The following CACNA1C variants were observed in gnomAD, a reference collection of about 807,000 sequenced individuals.
CACNA1C encodes voltage-dependent L-type calcium channel subunit alpha-1C.
CACNA1C carries 30 observed loss-of-function variants against 229.0 expected under a neutral mutation model. The ratio of observed to expected loss-of-function variants is 0.13; its 90% confidence interval spans 0.10 to 0.18. The LOEUF (loss-of-function observed/expected upper bound fraction) is 0.18, where lower values mean the gene tolerates loss of function less well. Ranked by LOEUF, CACNA1C falls within the 10% of genes least tolerant of loss-of-function variation. The pLI is 1.00. For synonymous variants in CACNA1C, 1,114 were observed against 1,132.5 expected, an observed-to-expected ratio of 0.98 and a Z score of 0.33; for missense variants, 1,658 against 2,845.0, an observed-to-expected ratio of 0.58 and a Z score of 9.49.
chr12:2,276,065 A>G (rs567188002), intron 3 of CACNA1C, among the ~76,000 whole-genome samples: 10 of 152,028 alleles, frequency 6.6e-5, no homozygotes, highest in African/African-American at 2.2e-4. Context: ...TTTAATTTGT[A>G]TAATTTTTTA....
chr12:2,163,834 C>G (rs2096058487), intron 3 of CACNA1C, among the ~76,000 whole-genome samples: 1 of 152,178 alleles, frequency 6.6e-6, no homozygotes, highest in South Asian at 2.1e-4. Flanking sequence ...CTATTTGTGG[C>G]TGATCTAAAA....
intron 3 of CACNA1C, among the ~76,000 whole-genome samples, chr12:2,206,858 A>G (rs889518475): frequency 1.6e-4 from 25 of 152,192 alleles, no homozygotes; most frequent in African/African-American, 3.6e-4. Flanking sequence ...GGGAGAATAC[A>G]TTTTGGATTT....
chr12:2,205,823 G>T (rs1392242765), intron 3 of CACNA1C, among the ~76,000 whole-genome samples: 2 of 152,172 alleles, frequency 1.3e-5, no homozygotes, highest in Non-Finnish European at 2.9e-5. Context: ...AGCAGATTTG[G>T]TGTCTGGTGA....
rs760446638 is a variant in CACNA1C, at chr12:2,215,070, C to T, written c.477+94640C>T. Among the ~76,000 whole-genome samples, 2 of 152,136 alleles carry T rather than the reference C, an allele frequency of 1.3e-5. No homozygotes were observed. Among genetic ancestry groups the T allele is most frequent in the African/African-American group, 2.4e-5 (1 of 41,502 alleles). ...GAGGCAGTGAGGACCTGCATTGCAG[C>T]GGGTGTGTCGGAGGGCTCAGCAAAC... On this transcript the variant is annotated intron_variant, in intron 3 of 46. Coordinates refer to ENST00000399655, the MANE Select transcript of CACNA1C (RefSeq NM_000719.7). The surrounding 1 kb of genome is among the most constrained non-coding windows in gnomAD (Gnocchi z 5.0).
At chr12:2,206,306 AT>A (rs1481465051) in intron 3 of CACNA1C, among the ~76,000 whole-genome samples, 1 of 152,160 alleles carries the variant, frequency 6.6e-6, no homozygotes, top group Non-Finnish European at 1.5e-5. Flanking sequence ...GCAGAGTAGT[AT>A]TTTAAAAAAG....
intron 29 of CACNA1C, among the ~76,000 whole-genome samples, chr12:2,625,308 A>C (rs80246021): frequency 6.6e-6 from 1 of 152,234 alleles, no homozygotes; most frequent in South Asian, 2.1e-4. Flanking sequence ...GGTGTAAAAA[A>C]GCCCGGTGGG....
chr12:2,671,835 G>A (rs11062306), intron 38 of CACNA1C, among the ~76,000 whole-genome samples: 9 of 152,324 alleles, frequency 5.9e-5, no homozygotes, highest in Middle Eastern at 3.4e-3. Context: ...AGACATTTCA[G>A]AACAGCTACC....
chr12:2,313,010 A>G (rs1480948154), intron 3 of CACNA1C, among the ~76,000 whole-genome samples: 1 of 152,142 alleles, frequency 6.6e-6, no homozygotes, highest in Admixed American at 6.5e-5. Flanking sequence ...CTATGTCTTC[A>G]TCTGAGTTAG....
At chr12:2,254,695 G>C (rs1168781621) in intron 3 of CACNA1C, among the ~76,000 whole-genome samples, 1 of 152,160 alleles carries the variant, frequency 6.6e-6, no homozygotes, top group Non-Finnish European at 1.5e-5. Flanking sequence ...ACTCCATTGT[G>C]AGATTTGCTA....
At position 2,233,171 on chromosome 12, in the gene CACNA1C, A is replaced by T. The variant is rs2065977002; in HGVS notation, c.477+112741A>T. 2.0e-5 allele frequency among the ~76,000 whole-genome samples: 3 copies of T among 152,200 alleles called. No homozygotes were observed. The South Asian group carries it at 6.2e-4, about 31-fold the overall frequency. ...GTGTGTTGATTCACATTTTGGTGCT[A>T]GCTTCCTATCTCATCATATCAGGAC... is the stretch of plus-strand genomic sequence containing the variant. On this transcript the variant is annotated intron_variant, in intron 3 of 46. Transcript: ENST00000399655.
chr12:2,424,777 T>C (rs2099012834), intron 3 of CACNA1C, among the ~76,000 whole-genome samples: 1 of 152,010 alleles, frequency 6.6e-6, no homozygotes, highest in South Asian at 2.1e-4. Context: ...AGGAGGAAGT[T>C]GAGGAAACCT....
chr12:2,435,885 T>G (rs1194030785), intron 3 of CACNA1C, among the ~76,000 whole-genome samples: 1 of 152,152 alleles, frequency 6.6e-6, no homozygotes, highest in Non-Finnish European at 1.5e-5. Flanking sequence ...CGTCGTGCCA[T>G]GTACCAACAT....
At chr12:2,398,190 A>T (rs1486410193) in intron 3 of CACNA1C, among the ~76,000 whole-genome samples, 2 of 152,232 alleles carry the variant, frequency 1.3e-5, no homozygotes, top group Non-Finnish European at 2.9e-5. Flanking sequence ...TCTGAGTTCC[A>T]CTGTTCTTGG....
At chr12:2,567,536 G>C (rs753576484) in intron 12 of CACNA1C, 33 bp from the exon 13 acceptor site, 5 of 1,413,170 alleles carry the variant, frequency 3.5e-6, no homozygotes. Context: ...CTCTGGCCCT[G>C]CTCGGATCTC....
At chr12:2,643,976 C>T (rs1204673751) in intron 30 of CACNA1C, among the ~76,000 whole-genome samples, 2 of 152,240 alleles carry the variant, frequency 1.3e-5, no homozygotes, top group Non-Finnish European at 2.9e-5. Context: ...AGCGGAGAAG[C>T]GGAGCATGGG....
chr12:2,460,049 G>A (rs1399704346), intron 5 of CACNA1C, among the ~76,000 whole-genome samples: 2 of 152,210 alleles, frequency 1.3e-5, no homozygotes, highest in African/African-American at 2.4e-5. Flanking sequence ...CCTGAGGGTG[G>A]TGGTCAGCTG....
At chr12:2,430,435 A>C (rs2099071198) in intron 3 of CACNA1C, among the ~76,000 whole-genome samples, 1 of 152,152 alleles carries the variant, frequency 6.6e-6, no homozygotes, top group African/African-American at 2.4e-5. Flanking sequence ...AGTGACCCAG[A>C]TACCTTGATT....
At chr12:2,206,143 C>T (rs559834158) in intron 3 of CACNA1C, among the ~76,000 whole-genome samples, 7 of 152,222 alleles carry the variant, frequency 4.6e-5, no homozygotes, top group Non-Finnish European at 8.8e-5. Flanking sequence ...GATGGCTCCG[C>T]GTAAACCGTG....
intron 3 of CACNA1C, among the ~76,000 whole-genome samples, chr12:2,209,322 C>T (rs932785049): frequency 6.6e-6 from 1 of 152,130 alleles, no homozygotes; most frequent in African/African-American, 2.4e-5. Flanking sequence ...ACCAACAATC[C>T]TTATGAACAA....
Sources: allele counts gnomAD v4.1 joint callset (sites outside exome capture counted in the v4.1 genomes callset), GRCh38; gene constraint gnomAD v4.1.1; non-coding constraint Gnocchi (gnomAD v3.1); transcripts MANE v1.5; gene names NCBI Gene and HGNC (gene_info 2026-07-23, HGNC 2026-07-21).